Variants in TTC38 observed in about 807,000 individuals in gnomAD.
TTC38 encodes the protein tetratricopeptide repeat domain 38.
Under a neutral mutation model 64.2 loss-of-function variants are expected in TTC38, and 64 were observed. That is an observed-to-expected ratio of 1.00 (90% CI 0.81 to 1.23). The LOEUF (loss-of-function observed/expected upper bound fraction) is 1.23, where lower values mean the gene tolerates loss of function less well. TTC38 is among the 50% of genes most tolerant of loss of function. TTC38 has a pLI of 0.00. For synonymous variants in TTC38, 254 were observed against 249.3 expected (o/e 1.02, Z -0.18); for missense variants, 573 against 615.5 (o/e 0.93, Z 0.73).
At position 46,292,306 on chromosome 22, in the gene TTC38, T is replaced by C; in HGVS notation, c.1317-485T>C. The stretch of plus-strand genomic sequence containing the variant: ...TCAAGGAATCTTCCTGCCTCATCCT[T>C]CCATCGTGCAGGGATTACAGGGGTG... On this transcript the variant is annotated intron_variant, in intron 13 of 13. Coordinates refer to ENST00000381031, the MANE Select transcript of TTC38 (RefSeq NM_017931.4). This position sits in a 1 kb window ranked among gnomAD's most constrained non-coding sequence, Gnocchi z 6.5. 1 of 406,776 alleles carries C rather than the reference T, an allele frequency of 2.5e-6. No individual in the cohort carries two copies. Among genetic ancestry groups the C allele is most frequent in the Non-Finnish European group, 4.8e-6 (1 of 207,320 alleles). 25.2% of individuals were successfully genotyped at this position (406,776 alleles called of 1,614,324 possible).
At chr22:46,286,578 T>C (rs947073978) in intron 9 of TTC38, among the ~76,000 whole-genome samples, 8 of 151,842 alleles carry the variant, frequency 5.3e-5, no homozygotes, top group Non-Finnish European at 1.0e-4. Context: ...GGATAATTGC[T>C]TGAACCCAGG....
At chr22:46,286,716 G>T (rs890441800) in intron 9 of TTC38, among the ~76,000 whole-genome samples, 1 of 152,122 alleles carries the variant, frequency 6.6e-6, no homozygotes, top group South Asian at 2.1e-4. Flanking sequence ...CCGTGAGCTC[G>T]AGGTGGGCTC....
Position 46,289,455 on chromosome 22 carries a change from T to C in TTC38, c.1136T>C (p.Leu379Pro), listed in dbSNP as rs1374468222. Reference sequence around the variant, plus strand: ...CTGGCCCGAGACGTGGGGCTGCCCCTGTGCCAGGCCCTGGTGGAGGCTGAG... The same window carrying C: ...CTGGCCCGAGACGTGGGGCTGCCCCCGTGCCAGGCCCTGGTGGAGGCTGAG... ...HLLARDVGLPLCQALVEAEDG... is the reference protein window; with the variant it reads ...HLLARDVGLPPCQALVEAEDG... Residue 379 changes from leucine to proline, a missense_variant, in exon 12 of 14, where the codon CTG becomes CCG. Coordinates refer to ENST00000381031, the MANE Select transcript of TTC38 (RefSeq NM_017931.4). 6.2e-7 allele frequency: 1 copy of C among 1,609,444 alleles called. No individual in the cohort carries two copies. Among genetic ancestry groups the C allele is most frequent in the Non-Finnish European group, 8.5e-7 (1 of 1,179,664 alleles).
rs1045412889 is a variant in TTC38 at position 46,268,505 on chromosome 22, C to T, written c.34-9C>T. 3.1e-5 allele frequency: 50 copies of T among 1,613,862 alleles called. No individual in the cohort carries two copies. The East Asian group carries it at 9.8e-4, about 32-fold the overall frequency. ...GAAGGCACTGCTATTCCCTTCTTGCCGTCTGTAGGCCTGGAAGGATGCGAG... is the reference window on the plus strand; with the variant it reads ...GAAGGCACTGCTATTCCCTTCTTGCTGTCTGTAGGCCTGGAAGGATGCGAG... On this transcript the variant is annotated splice_polypyrimidine_tract_variant and intron_variant, in intron 1 of 13. Coordinates refer to ENST00000381031, the MANE Select transcript of TTC38 (RefSeq NM_017931.4).
chr22:46,270,840 G>GA lies in TTC38; in HGVS notation c.112-1483dup, dbSNP rs879499373. On this transcript the variant is annotated intron_variant, in intron 2 of 13. Transcript: ENST00000381031. The surrounding 1 kb of genome is among the most constrained non-coding windows in gnomAD (Gnocchi z 4.7). Reference sequence around the variant, plus strand: ...CAGGGCAAGACTCCATCTCAAAAAAGAAAAAAAAAAAATTAGCCGGGCGCA... The same window carrying GA: ...CAGGGCAAGACTCCATCTCAAAAAAGAAAAAAAAAAAAATTAGCCGGGCGCA... 2.3e-4 allele frequency among the ~76,000 whole-genome samples: 30 copies of GA among 130,954 alleles called. No homozygotes were observed. The highest frequency in any genetic ancestry group is 1.3e-3 in the East Asian group (6 of 4,542). The allele number at this position is 130,954 out of a possible 152,430, so 85.9% of individuals were successfully genotyped here.
chr22:46,287,034 G>C (rs2147799692), intron 9 of TTC38, 39 bp from the exon 10 acceptor site: 2 of 1,540,988 alleles, frequency 1.3e-6, no homozygotes, highest in Non-Finnish European at 1.8e-6. Flanking sequence ...CATCATCTGG[G>C]CCACCCGCTG....
Position 46,272,472 on chromosome 22 carries a change from C to T in TTC38, c.193+56C>T. ...CCCGCTTCACACATCCAGCCCCTCT[C>T]TTTCCTTTACCACAGGGACACAGTT... is the stretch of plus-strand genomic sequence containing the variant. On this transcript the variant is annotated intron_variant, in intron 3 of 13. Transcript: ENST00000381031. The surrounding 1 kb of genome is among the most constrained non-coding windows in gnomAD (Gnocchi z 6.4). 6.9e-7 allele frequency: 1 copy of T among 1,447,014 alleles called. No individual in the cohort carries two copies. The highest frequency in any genetic ancestry group is 1.1e-5 in the South Asian group (1 of 86,972). The allele number at this position is 1,447,014 out of a possible 1,614,324, so 89.6% of individuals were successfully genotyped here. A position where few individuals can be genotyped will look rare whatever the true frequency, so the allele number is the denominator to read the frequency against.
rs1374365416 is a variant in TTC38, at chr22:46,278,573, T to A, written c.540-13T>A. The A allele has an allele frequency of 5.6e-6, 9 of 1,611,410 alleles. No individual in the cohort carries two copies. Among genetic ancestry groups the A allele is most frequent in the Non-Finnish European group, 7.6e-6 (9 of 1,177,758 alleles). Reference sequence around the variant, plus strand: ...ATCATTTTGTATTCTGAGATCTTTTTTTCTGTTTTTAGCTATGTGAAAGGC... The same window carrying A: ...ATCATTTTGTATTCTGAGATCTTTTATTCTGTTTTTAGCTATGTGAAAGGC... On this transcript the variant is annotated splice_polypyrimidine_tract_variant and intron_variant, in intron 5 of 13. Transcript: ENST00000381031.
intron 9 of TTC38, among the ~76,000 whole-genome samples, chr22:46,285,681 T>G (rs1374465012): frequency 3.3e-5 from 5 of 152,064 alleles, no homozygotes; most frequent in African/African-American, 1.2e-4. Flanking sequence ...GGCTGGAATT[T>G]TTTTTCTTTG....
intron 5 of TTC38, among the ~76,000 whole-genome samples, chr22:46,277,076 C>T (rs1405038831): frequency 6.6e-6 from 1 of 151,094 alleles, no homozygotes; most frequent in African/African-American, 2.4e-5. Flanking sequence ...CACACACACA[C>T]ACACACACAT....
intron 13 of TTC38, 28 bp downstream of exon 13, chr22:46,289,927 C>T (rs768241705): frequency 4.4e-6 from 7 of 1,604,434 alleles, no homozygotes; most frequent in Middle Eastern, 1.7e-4. Flanking sequence ...GCCCAGCACT[C>T]CCGACCTTCA....
intron 5 of TTC38, among the ~76,000 whole-genome samples, chr22:46,277,634 G>C (rs574671332): frequency 1.1e-4 from 16 of 148,538 alleles, no homozygotes; most frequent in Non-Finnish European, 2.4e-4. Flanking sequence ...AAAAAAGAGA[G>C]AGATTGGAAG....
At position 46,292,299 on chromosome 22, in the gene TTC38, T is replaced by C; in HGVS notation, c.1317-492T>C. ...CCTGGGCTCAAGGAATCTTCCTGCC[T>C]CATCCTTCCATCGTGCAGGGATTAC... On this transcript the variant is annotated intron_variant, in intron 13 of 13. Transcript: ENST00000381031. This position sits in a 1 kb window ranked among gnomAD's most constrained non-coding sequence, Gnocchi z 6.5. The C allele has an allele frequency of 2.4e-6, 1 of 412,664 alleles. No homozygotes were observed. Among genetic ancestry groups the C allele is most frequent in the Non-Finnish European group, 4.8e-6 (1 of 210,348 alleles). The allele number at this position is 412,664 out of a possible 1,614,324, so 25.6% of individuals were successfully genotyped here. A position where few individuals can be genotyped will look rare whatever the true frequency, so the allele number is the denominator to read the frequency against.
intron 1 of TTC38, 49 bp from the exon 2 acceptor site, chr22:46,268,465 A>C: frequency 6.3e-7 from 1 of 1,595,574 alleles, no homozygotes; most frequent in African/African-American, 1.3e-5. Context: ...TTGAAGTTTG[A>C]AGGGCTCCTG....
At position 46,275,219 on chromosome 22, in the gene TTC38, G is replaced by T; in HGVS notation, c.366-29G>T. ...TGTGTGGGTGGACTATGTGTTCAGCGTTGGTGAGAAATCTTTCTCGGTTTC... is the reference window on the plus strand; with the variant it reads ...TGTGTGGGTGGACTATGTGTTCAGCTTTGGTGAGAAATCTTTCTCGGTTTC... On this transcript the variant is annotated intron_variant, in intron 4 of 13. Transcript: ENST00000381031. The surrounding 1 kb of genome is among the most constrained non-coding windows in gnomAD (Gnocchi z 4.5). The T allele has an allele frequency of 1.2e-6, 2 of 1,606,326 alleles. No individual in the cohort carries two copies. Among genetic ancestry groups the T allele is most frequent in the Non-Finnish European group, 1.7e-6 (2 of 1,175,936 alleles).
chr22:46,289,530 G>A lies in TTC38; in HGVS notation c.1211G>A (p.Arg404Gln), dbSNP rs377072734. Residue 404 changes from arginine (R) to glutamine (Q), a missense_variant, in exon 12 of 14, where the codon CGG (arginine) becomes CAG (glutamine). Around this residue, in one of 3 missense-constraint regions of TTC38, gnomAD observed 371 missense variants for 381.8 expected, o/e 0.97. Transcript: ENST00000381031. Reference protein sequence around the residue: ...VLELLLPIRYRIVQLGGSNAQ... With the variant: ...VLELLLPIRYQIVQLGGSNAQ... ...GAGCTGCTCCTGCCCATCCGCTACC[G>A]GATCGTCCAGCTCGGTGGGAGCAAT... is the stretch of plus-strand genomic sequence containing the variant. The A allele has an allele frequency of 1.3e-5, 21 of 1,602,674 alleles. No individual in the cohort carries two copies. In the Admixed American group the frequency reaches 1.5e-4, roughly 12 times the overall value.
chr22:46,278,452 A>G (rs2077509241), intron 5 of TTC38, 134 bp from the exon 6 acceptor site: 1 of 725,126 alleles, frequency 1.4e-6, no homozygotes. Flanking sequence ...TTACCTCTGC[A>G]AAGACCCTAT....
intron 2 of TTC38, 25 bp downstream of exon 2, chr22:46,268,616 GC>G (rs1445425260): frequency 1.2e-6 from 2 of 1,611,038 alleles, no homozygotes; most frequent in African/African-American, 1.3e-5. Flanking sequence ...AGAGGCCGCG[GC>G]CCCTTCTGTG....
rs1267174340 is a variant in TTC38 at position 46,272,206 on chromosome 22, GTCTCGAA to G, written c.112-128_112-122del. Reference sequence around the variant, plus strand: ...GGGTTTTACCGTGTTGGTCAGGCTGGTCTCGAACTCCTGACCTCAGATGTTCTGCCCG... The same window carrying G: ...GGGTTTTACCGTGTTGGTCAGGCTGGCTCCTGACCTCAGATGTTCTGCCCG... On this transcript the variant is annotated intron_variant, in intron 2 of 13. Coordinates refer to ENST00000381031, the MANE Select transcript of TTC38 (RefSeq NM_017931.4). The surrounding 1 kb of genome is among the most constrained non-coding windows in gnomAD (Gnocchi z 6.4). The G allele has an allele frequency of 3.7e-5, 24 of 654,576 alleles. No individual in the cohort carries two copies. The highest frequency in any genetic ancestry group is 5.5e-6 in the Non-Finnish European group (2 of 366,134). 40.5% of individuals were successfully genotyped at this position (654,576 alleles called of 1,614,324 possible).
Sources: allele counts gnomAD v4.1 joint callset (sites outside exome capture counted in the v4.1 genomes callset), GRCh38; gene constraint gnomAD v4.1.1; regional missense constraint gnomAD v4.1.1; non-coding constraint Gnocchi (gnomAD v3.1); transcripts MANE v1.5; gene names NCBI Gene and HGNC (gene_info 2026-07-23, HGNC 2026-07-21).